The following XYLT1 variants were observed in gnomAD, a reference collection of about 807,000 sequenced individuals.
The protein encoded by XYLT1 is xylosyltransferase 1.
XYLT1 carries 36 observed loss-of-function variants against 91.3 expected under a neutral mutation model. The ratio of observed to expected loss-of-function variants is 0.39; its 90% CI spans 0.30 to 0.52. The LOEUF is 0.52. XYLT1 is among the 20% of genes least tolerant of loss of function. The probability of loss-of-function intolerance (pLI) is 0.68; values close to 1 mark genes in which losing one functional copy is unlikely to be tolerated. For missense variants in XYLT1, 1,242 were observed against 1,284.5 expected, an observed-to-expected ratio of 0.97 and a Z score of 0.51; for synonymous variants, 588 against 532.0, an observed-to-expected ratio of 1.11 and a Z score of -1.45.
chr16:17,315,421 C>T (rs1400876061), intron 2 of XYLT1, among the ~76,000 whole-genome samples: 1 of 152,190 alleles, frequency 6.6e-6, no homozygotes, highest in Non-Finnish European at 1.5e-5. Context: ...ATTTCCCAAA[C>T]CCCTATCACA....
intron 1 of XYLT1, among the ~76,000 whole-genome samples, chr16:17,399,172 TG>T (rs2141899379): frequency 6.6e-6 from 1 of 152,236 alleles, no homozygotes; most frequent in Non-Finnish European, 1.5e-5. Context: ...CATATGAATC[TG>T]GGGGCAGGAG....
In XYLT1 at chr16:17,127,815, C is replaced by G; in HGVS notation, c.2074G>C (p.Ala692Pro). The G allele has an allele frequency of 6.2e-7, 1 of 1,614,098 alleles. No homozygotes were observed. The change falls in exon 10 of 12, where the codon GCT becomes CCT. Residue 692 changes from alanine to proline, a missense_variant. Transcript: ENST00000261381. ...HPASVHLYFL[A>P]DRFQGFLIKH... ...ATCAGAAAGCCCTGGAAGCGGTCAGCAAGGAAGTAGAGGTGCACAGATGCT... is the reference window on the plus strand; with the variant it reads ...ATCAGAAAGCCCTGGAAGCGGTCAGGAAGGAAGTAGAGGTGCACAGATGCT...
chr16:17,308,443 C>T (rs1390373075), intron 2 of XYLT1, among the ~76,000 whole-genome samples: 1 of 152,214 alleles, frequency 6.6e-6, no homozygotes, highest in African/African-American at 2.4e-5. Flanking sequence ...GATTACTTCC[C>T]TTCTCCTTAG....
At chr16:17,357,260 C>A (rs1008795482) in intron 2 of XYLT1, among the ~76,000 whole-genome samples, 5 of 150,342 alleles carry the variant, frequency 3.3e-5, no homozygotes, top group African/African-American at 1.2e-4. Context: ...TTTCCTGTGA[C>A]CCTCAACCAC....
chr16:17,254,618 C>T (rs2033599663), intron 3 of XYLT1, among the ~76,000 whole-genome samples: 1 of 152,174 alleles, frequency 6.6e-6, no homozygotes, highest in African/African-American at 2.4e-5. Context: ...TGGTCTTGAA[C>T]TGATGACCTC....
At chr16:17,160,227 C>A (rs1456962863) in intron 5 of XYLT1, among the ~76,000 whole-genome samples, 1 of 152,156 alleles carries the variant, frequency 6.6e-6, no homozygotes, top group East Asian at 1.9e-4. Context: ...TAAACATGCC[C>A]AGCACCTAGT....
chr16:17,401,112 T>C (rs1356816993), intron 1 of XYLT1, among the ~76,000 whole-genome samples: 1 of 151,948 alleles, frequency 6.6e-6, no homozygotes, highest in Non-Finnish European at 1.5e-5. Context: ...CCCAGCTCAG[T>C]GTGGATGAGT....
At chr16:17,300,045 G>A (rs1433201320) in intron 2 of XYLT1, among the ~76,000 whole-genome samples, 1 of 151,990 alleles carries the variant, frequency 6.6e-6, no homozygotes, top group Non-Finnish European at 1.5e-5. Flanking sequence ...ATAATCTGGT[G>A]ACCAAAGGCA....
intron 8 of XYLT1, among the ~76,000 whole-genome samples, chr16:17,136,109 C>A (rs1344711623): frequency 3.3e-5 from 5 of 152,178 alleles, no homozygotes; most frequent in Non-Finnish European, 7.3e-5. Context: ...ACTGACCACA[C>A]ACAATACGCA....
chr16:17,108,577 G>GGA lies in XYLT1; in HGVS notation c.*116_*117dup, dbSNP rs1179278351. 1 of 1,010,218 alleles carries GGA rather than the reference G, an allele frequency of 9.9e-7. No homozygotes were observed. The highest frequency in any genetic ancestry group is 1.6e-5 in the African/African-American group (1 of 61,516). 62.6% of individuals were successfully genotyped at this position (1,010,218 alleles called of 1,614,324 possible). ...TTCCCTTTCCATCATTCTATGGCCA[G>GGA]GAGAGACCCATTCACAGAGGGCCTC... On this transcript the variant is annotated 3_prime_UTR_variant, in exon 12 of 12. Coordinates refer to ENST00000261381, the MANE Select transcript of XYLT1 (RefSeq NM_022166.4).
chr16:17,465,039 G>A (rs2036872047), intron 1 of XYLT1, among the ~76,000 whole-genome samples: 1 of 149,506 alleles, frequency 6.7e-6, no homozygotes, highest in Non-Finnish European at 1.5e-5. Flanking sequence ...AGCTACTCAG[G>A]AGGCTGAGGC....
chr16:17,296,643 G>A (rs902524611), intron 2 of XYLT1, among the ~76,000 whole-genome samples: 12 of 152,284 alleles, frequency 7.9e-5, no homozygotes, highest in South Asian at 2.1e-4. Context: ...CGCAGAGCCC[G>A]GGGCCAACTG....
At chr16:17,456,400 C>T (rs930209042) in intron 1 of XYLT1, among the ~76,000 whole-genome samples, 20 of 139,762 alleles carry the variant, frequency 1.4e-4, no homozygotes, top group Non-Finnish European at 3.0e-5. Context: ...TGCAGTGGTG[C>T]GATCACGGCT....
intron 3 of XYLT1, among the ~76,000 whole-genome samples, chr16:17,214,856 C>T (rs551672148): frequency 2.6e-5 from 4 of 152,210 alleles, no homozygotes; most frequent in Non-Finnish European, 5.9e-5. Context: ...CCTCTATGCT[C>T]CTCCAATCAC....
At position 17,141,543 on chromosome 16, in the gene XYLT1, G is replaced by C. The variant is rs140039132; in HGVS notation, c.1371-174C>G. On this transcript the variant is annotated intron_variant, in intron 6 of 11. Coordinates refer to ENST00000261381, the MANE Select transcript of XYLT1 (RefSeq NM_022166.4). The stretch of plus-strand genomic sequence containing the variant: ...AGTTTATCACTTGATCCCCACAAGT[G>C]AGGCATGTCACCGTATTTACCCCTA... Among the ~76,000 whole-genome samples the C allele has an allele frequency of 4.8e-3, 734 of 152,292 alleles. 6 individuals are homozygous for C. Among genetic ancestry groups the C allele is most frequent in the African/African-American group, 0.016 (681 of 41,562 alleles).
chr16:17,140,799 T>A (rs2030950112), intron 7 of XYLT1, among the ~76,000 whole-genome samples: 1 of 152,158 alleles, frequency 6.6e-6, no homozygotes, highest in Non-Finnish European at 1.5e-5. Context: ...AAGGGTTTTT[T>A]AAATAACAGT....
intron 1 of XYLT1, among the ~76,000 whole-genome samples, chr16:17,365,675 A>AT (rs1278208160): frequency 6.6e-6 from 1 of 152,118 alleles, no homozygotes; most frequent in East Asian, 1.9e-4. Flanking sequence ...TTCATTCTAC[A>AT]TTTTTTTAGC....
At chr16:17,241,720 C>T (rs138751049) in intron 3 of XYLT1, among the ~76,000 whole-genome samples, 30 of 152,224 alleles carry the variant, frequency 2.0e-4, no homozygotes, top group East Asian at 7.7e-4. Context: ...GGTTATGAAA[C>T]GGTTGACTTT....
chr16:17,129,072 GAAAAAAAAA>G (rs34234422), intron 9 of XYLT1, among the ~76,000 whole-genome samples: 30 of 95,186 alleles, frequency 3.2e-4, no homozygotes, highest in South Asian at 4.8e-4. Flanking sequence ...AGGGAGCATA[GAAAAAAAAA>G]AAAAAAAAAA....
Sources: allele counts gnomAD v4.1 joint callset (sites outside exome capture counted in the v4.1 genomes callset), GRCh38; gene constraint gnomAD v4.1.1; transcripts MANE v1.5; gene names NCBI Gene and HGNC (gene_info 2026-07-23, HGNC 2026-07-21).